Variants in ANKRD13A observed in about 807,000 individuals in gnomAD.
The protein encoded by ANKRD13A is ankyrin repeat domain-containing protein 13A.
Under a neutral mutation model 81.3 loss-of-function variants are expected in ANKRD13A, and 48 were observed. The ratio of observed to expected loss-of-function variants is 0.59; its 90% CI spans 0.47 to 0.75. The LOEUF (loss-of-function observed/expected upper bound fraction) is 0.75. Among genes scored for constraint, ANKRD13A ranks in the 30% least tolerant of loss-of-function variants. ANKRD13A has a pLI of 0.00. For missense variants in ANKRD13A, 612 were observed against 734.0 expected, an observed-to-expected ratio of 0.83 and a Z score of 1.92; for synonymous variants, 230 against 270.1, an observed-to-expected ratio of 0.85 and a Z score of 1.45.
In ANKRD13A at chr12:110,030,767, A is replaced by C. The variant is rs530450094; in HGVS notation, c.1348+9A>C. ...GACCCAGGCTGATTCAGGTAAAAAA[A>C]TAAATAAATACAAAGTTTAGTTTTG... On this transcript the variant is annotated intron_variant, in intron 12 of 14. Transcript: ENST00000261739. 5.3e-5 allele frequency: 82 copies of C among 1,543,828 alleles called. No homozygotes were observed. In the Middle Eastern group the frequency reaches 1.5e-3, roughly 29 times the overall value.
intron 12 of ANKRD13A, among the ~76,000 whole-genome samples, chr12:110,031,234 A>C (rs1015340518): frequency 1.3e-5 from 2 of 152,202 alleles, no homozygotes; most frequent in Non-Finnish European, 1.5e-5. Context: ...GCAAAAAAAA[A>C]CTTGTAGAAT....
chr12:110,004,101 T>C (rs866856134), intron 1 of ANKRD13A, among the ~76,000 whole-genome samples: 2 of 151,570 alleles, frequency 1.3e-5, no homozygotes, highest in African/African-American at 4.9e-5. Flanking sequence ...GAGGTTGCAG[T>C]GAGCCAAAAT....
intron 11 of ANKRD13A, among the ~76,000 whole-genome samples, chr12:110,030,325 C>T (rs941754749): frequency 2.0e-5 from 3 of 152,048 alleles, no homozygotes; most frequent in Non-Finnish European, 2.9e-5. Flanking sequence ...CATCACCACG[C>T]CCAGCTAATT....
intron 1 of ANKRD13A, among the ~76,000 whole-genome samples, chr12:110,009,988 C>A (rs999038984): frequency 2.0e-5 from 3 of 152,208 alleles, no homozygotes; most frequent in Non-Finnish European, 4.4e-5. Context: ...CCTCAGCTTC[C>A]CGAGTAGCTG....
At chr12:110,034,519 C>G (rs1212054902) in intron 13 of ANKRD13A, among the ~76,000 whole-genome samples, 1 of 152,186 alleles carries the variant, frequency 6.6e-6, no homozygotes, top group African/African-American at 2.4e-5. Context: ...ATATTGCACC[C>G]TCAAACTCCT....
Position 110,038,534 on chromosome 12 carries a change from G to C in ANKRD13A, c.*980G>C, listed in dbSNP as rs911876132. On this transcript the variant is annotated 3_prime_UTR_variant, in exon 15 of 15. Coordinates refer to ENST00000261739, the MANE Select transcript of ANKRD13A (RefSeq NM_033121.2). Reference sequence around the variant, plus strand: ...CAGAGGAAGGATTGATTTGCAACCAGAAAGGGAGCTGAAAACCACGGAGCT... The same window carrying C: ...CAGAGGAAGGATTGATTTGCAACCACAAAGGGAGCTGAAAACCACGGAGCT... 4 of 152,596 alleles carry C rather than the reference G, an allele frequency of 2.6e-5. No homozygotes were observed. Among genetic ancestry groups the C allele is most frequent in the African/African-American group, 9.7e-5 (4 of 41,430 alleles). The allele number at this position is 152,596 out of a possible 1,614,324, so 9.5% of individuals were successfully genotyped here. A position where few individuals can be genotyped will look rare whatever the true frequency, so the allele number is the denominator to read the frequency against.
chr12:110,007,038 A>G (rs1238227547), intron 1 of ANKRD13A, among the ~76,000 whole-genome samples: 1 of 152,200 alleles, frequency 6.6e-6, no homozygotes, highest in African/African-American at 2.4e-5. Flanking sequence ...TGGACTCTAA[A>G]TTGTATTCCA....
chr12:110,009,736 G>T (rs770933395), intron 1 of ANKRD13A, among the ~76,000 whole-genome samples: 1 of 152,164 alleles, frequency 6.6e-6, no homozygotes, highest in Non-Finnish European at 1.5e-5. Context: ...GCTGCTCTGT[G>T]GCTTATCCAT....
In ANKRD13A at chr12:110,037,681, C is replaced by A; in HGVS notation, c.*127C>A. ...ATGCAGCAGGCAACAACTGCCCCTT[C>A]TTTATGCAGAGGTGCAGAACCAGGG... On this transcript the variant is annotated 3_prime_UTR_variant, in exon 15 of 15. Transcript: ENST00000261739. 1.0e-6 allele frequency: 1 copy of A among 957,308 alleles called. No homozygotes were observed. Among genetic ancestry groups the A allele is most frequent in the Non-Finnish European group, 1.5e-6 (1 of 661,196 alleles). 59.3% of individuals were successfully genotyped at this position (957,308 alleles called of 1,614,324 possible).
At chr12:110,005,083 A>G (rs1593196665) in intron 1 of ANKRD13A, among the ~76,000 whole-genome samples, 1 of 152,296 alleles carries the variant, frequency 6.6e-6, no homozygotes, top group East Asian at 1.9e-4. Flanking sequence ...GGTTTTTAGT[A>G]TATCTGCTGA....
At chr12:110,011,210 G>A (rs1461112598) in intron 1 of ANKRD13A, among the ~76,000 whole-genome samples, 1 of 152,230 alleles carries the variant, frequency 6.6e-6, no homozygotes, top group Non-Finnish European at 1.5e-5. Context: ...CCCAGGCATT[G>A]AGACTTAGCT....
intron 8 of ANKRD13A, 139 bp downstream of exon 8, chr12:110,025,962 CT>C: frequency 1.5e-6 from 1 of 648,424 alleles, no homozygotes. Context: ...CTCTCTCTCT[CT>C]CTTTTTTTTT....
intron 1 of ANKRD13A, 152 bp from the exon 2 acceptor site, chr12:110,011,853 T>G: frequency 3.0e-6 from 2 of 666,972 alleles, no homozygotes; most frequent in South Asian, 6.1e-5. Context: ...ATTTTAACTG[T>G]GCCCAAATGC....
intron 3 of ANKRD13A, 125 bp downstream of exon 3, chr12:110,013,374 A>C (rs1890629647): frequency 8.6e-7 from 1 of 1,167,712 alleles, no homozygotes; most frequent in Non-Finnish European, 1.2e-6. Flanking sequence ...TGAAATACTC[A>C]ATACCAATCA....
At chr12:110,025,658 G>T in intron 7 of ANKRD13A, 84 bp from the exon 8 acceptor site, 3 of 947,578 alleles carry the variant, frequency 3.2e-6, no homozygotes, top group Non-Finnish European at 4.9e-6. Flanking sequence ...TCTGTTTTTT[G>T]CTTCAGCATT....
intron 13 of ANKRD13A, among the ~76,000 whole-genome samples, chr12:110,034,555 G>A (rs1264734115): frequency 6.6e-6 from 1 of 152,160 alleles, no homozygotes; most frequent in Non-Finnish European, 1.5e-5. Flanking sequence ...TCCCACCTCA[G>A]CCTCCCAAGT....
At chr12:110,019,799 A>C (rs1171102786) in intron 6 of ANKRD13A, among the ~76,000 whole-genome samples, 1 of 151,100 alleles carries the variant, frequency 6.6e-6, no homozygotes, top group African/African-American at 2.4e-5. Context: ...TTGTTTGTTT[A>C]ACCCACCTGT....
At chr12:110,005,813 T>C (rs1314337401) in intron 1 of ANKRD13A, among the ~76,000 whole-genome samples, 4 of 152,182 alleles carry the variant, frequency 2.6e-5, no homozygotes, top group African/African-American at 9.7e-5. Context: ...TTTGTGTATA[T>C]GTTTTTGTGG....
At chr12:110,004,152 C>A (rs2137077240) in intron 1 of ANKRD13A, among the ~76,000 whole-genome samples, 1 of 150,828 alleles carries the variant, frequency 6.6e-6, no homozygotes, top group South Asian at 2.1e-4. Flanking sequence ...TATGAGACTC[C>A]ATCTCAAAAA....
Sources: allele counts gnomAD v4.1 joint callset (sites outside exome capture counted in the v4.1 genomes callset), GRCh38; gene constraint gnomAD v4.1.1; transcripts MANE v1.5; gene names NCBI Gene and HGNC (gene_info 2026-07-23, HGNC 2026-07-21).